Variants in OPCML observed in about 807,000 individuals in gnomAD.
OPCML encodes opioid-binding protein/cell adhesion molecule.
Under a neutral mutation model 37.8 loss-of-function variants are expected in OPCML, and 13 were observed. The ratio of observed to expected loss-of-function variants is 0.34; its 90% CI spans 0.22 to 0.55. The LOEUF (loss-of-function observed/expected upper bound fraction) is 0.55, where lower values mean the gene tolerates loss of function less well. Ranked by LOEUF, OPCML falls within the 20% of genes least tolerant of loss-of-function variation. The probability of loss-of-function intolerance (pLI) is 0.91; values close to 1 mark genes in which losing one functional copy is unlikely to be tolerated. For synonymous variants in OPCML, 176 were observed against 168.8 expected (o/e 1.04, Z -0.33); for missense variants, 341 against 435.6 (o/e 0.78, Z 1.93).
intron 3 of OPCML, among the ~76,000 whole-genome samples, chr11:132,577,941 C>A (rs1363281888): frequency 6.6e-6 from 1 of 152,070 alleles, no homozygotes; most frequent in Admixed American, 6.6e-5. Flanking sequence ...GATACCAGTA[C>A]ATAACAGGTG....
intron 2 of OPCML, among the ~76,000 whole-genome samples, chr11:132,765,932 A>C (rs1970755): frequency 0.64 from 96,787 of 151,876 alleles, 31,518 homozygotes; most frequent in East Asian, 0.97. Flanking sequence ...CATGCCAGAG[A>C]GAAAGAAAAT....
intron 1 of OPCML, among the ~76,000 whole-genome samples, chr11:132,999,665 T>C (rs549013067): frequency 6.6e-6 from 1 of 151,990 alleles, no homozygotes; most frequent in Non-Finnish European, 1.5e-5. Flanking sequence ...CGTGCCTGTG[T>C]GGTACAGCCA....
chr11:132,891,754 C>T (rs1019864560), intron 2 of OPCML, among the ~76,000 whole-genome samples: 1 of 152,232 alleles, frequency 6.6e-6, no homozygotes, highest in Non-Finnish European at 1.5e-5. Flanking sequence ...CTTGTCACCT[C>T]TAATTTCATT....
chr11:132,645,595 G>T (rs1276426595), intron 3 of OPCML, among the ~76,000 whole-genome samples: 2 of 152,154 alleles, frequency 1.3e-5, no homozygotes, highest in Non-Finnish European at 2.9e-5. Context: ...AGGAGAGCAA[G>T]AGAGTTACAT....
At chr11:132,545,688 C>T (rs1447697895) in intron 3 of OPCML, among the ~76,000 whole-genome samples, 3 of 152,108 alleles carry the variant, frequency 2.0e-5, no homozygotes, top group Non-Finnish European at 2.9e-5. Flanking sequence ...AATATATTAT[C>T]ATCATCCTTC....
rs931584068 is a variant in OPCML, at chr11:132,574,492, AT to A, written c.380-45307del. Among the ~76,000 whole-genome samples the A allele has an allele frequency of 5.3e-4, 81 of 151,806 alleles. 1 individual carries two copies. The highest frequency in any genetic ancestry group is 1.9e-3 in the African/African-American group (77 of 41,512). On this transcript the variant is annotated intron_variant, in intron 3 of 7. Transcript: ENST00000524381. ...TTCATCTGCCTTGCAGTATTACATAATTTTTTAAAAAATTCTTCTTTTGACC... is the reference window on the plus strand; with the variant it reads ...TTCATCTGCCTTGCAGTATTACATAATTTTTAAAAAATTCTTCTTTTGACC...
intron 1 of OPCML, chr11:133,422,185 G>T (rs1945903100): frequency 1.0e-6 from 1 of 983,308 alleles, no homozygotes; most frequent in Non-Finnish European, 1.2e-6. Flanking sequence ...TTCACTCCCT[G>T]CAAACAAAGG....
At chr11:133,282,117 A>G (rs1942174293) in intron 1 of OPCML, among the ~76,000 whole-genome samples, 1 of 152,248 alleles carries the variant, frequency 6.6e-6, no homozygotes, top group African/African-American at 2.4e-5. Context: ...GAAGGAATCT[A>G]GACAGGTTGT....
intron 2 of OPCML, among the ~76,000 whole-genome samples, chr11:132,861,567 T>G (rs1942301612): frequency 6.6e-6 from 1 of 152,196 alleles, no homozygotes; most frequent in South Asian, 2.1e-4. Context: ...CTGGGCGCGG[T>G]GGCTCACGCC....
At chr11:133,390,324 G>T (rs935166415) in intron 1 of OPCML, among the ~76,000 whole-genome samples, 1 of 152,024 alleles carries the variant, frequency 6.6e-6, no homozygotes, top group African/African-American at 2.4e-5. Flanking sequence ...TTAGCCGGGT[G>T]TGGTGGCGGG....
chr11:133,231,322 C>T (rs1372654468), intron 1 of OPCML, among the ~76,000 whole-genome samples: 1 of 152,110 alleles, frequency 6.6e-6, no homozygotes, highest in Non-Finnish European at 1.5e-5. Flanking sequence ...AGAATGGCCC[C>T]TGTACCCCAA....
At chr11:132,560,397 G>A (rs981293057) in intron 3 of OPCML, among the ~76,000 whole-genome samples, 4 of 152,148 alleles carry the variant, frequency 2.6e-5, no homozygotes, top group Admixed American at 2.6e-4. Context: ...AACAGGTGAT[G>A]TTTGGTTATA....
At chr11:133,437,365 C>A (rs1400661509) in intron 1 of OPCML, among the ~76,000 whole-genome samples, 2 of 152,232 alleles carry the variant, frequency 1.3e-5, no homozygotes, top group East Asian at 3.9e-4. Flanking sequence ...TGGGCATCAC[C>A]TTTTTGGCTC....
intron 3 of OPCML, among the ~76,000 whole-genome samples, chr11:132,559,094 T>G (rs1203601322): frequency 6.7e-6 from 1 of 148,972 alleles, no homozygotes; most frequent in Non-Finnish European, 1.5e-5. Flanking sequence ...CTAAAAAAAA[T>G]AAGAAAGAGG....
chr11:133,528,075 G>C (rs1038654200), intron 1 of OPCML, among the ~76,000 whole-genome samples: 1 of 152,238 alleles, frequency 6.6e-6, no homozygotes, highest in African/African-American at 2.4e-5. Context: ...AGGGTGCTAA[G>C]AATTCGAGAA....
At chr11:132,471,376 T>C (rs370598709) in intron 4 of OPCML, among the ~76,000 whole-genome samples, 2 of 152,330 alleles carry the variant, frequency 1.3e-5, no homozygotes, top group East Asian at 3.9e-4. Context: ...ACCCCAGGCT[T>C]AGTAGTTTAA....
intron 2 of OPCML, among the ~76,000 whole-genome samples, chr11:132,877,846 G>A (rs921902336): frequency 9.9e-5 from 15 of 152,140 alleles, no homozygotes; most frequent in African/African-American, 2.7e-4. Context: ...ACTATTAAGC[G>A]TAGCCATATG....
At chr11:132,761,995 G>A (rs1204002019) in intron 2 of OPCML, among the ~76,000 whole-genome samples, 4 of 152,076 alleles carry the variant, frequency 2.6e-5, no homozygotes, top group African/African-American at 4.8e-5. Context: ...GGGTTTTTGC[G>A]TGGGTGTCTT....
intron 4 of OPCML, among the ~76,000 whole-genome samples, chr11:132,508,033 G>T (rs2137161850): frequency 6.6e-6 from 1 of 152,166 alleles, no homozygotes; most frequent in African/African-American, 2.4e-5. Context: ...TCTTTAAGTG[G>T]TAAAGGAGCT....
Sources: gnomAD v4.1 joint callset for allele counts (sites outside exome capture counted in the v4.1 genomes callset) on GRCh38, gnomAD v4.1.1 for gene constraint, MANE v1.5 for transcripts, NCBI Gene and HGNC (gene_info 2026-07-23, HGNC 2026-07-21) for gene names.